Variants in RFT1 observed in about 807,000 individuals in gnomAD.
The protein encoded by RFT1 is man(5)GlcNAc(2)-PP-dolichol translocation protein RFT1.
In RFT1, 43 loss-of-function variants were observed where a neutral mutation model predicts 62.2. The ratio of observed to expected loss-of-function variants is 0.69; its 90% CI spans 0.54 to 0.89. The LOEUF (loss-of-function observed/expected upper bound fraction) is 0.89, where lower values mean the gene tolerates loss of function less well. Among genes scored for constraint, RFT1 ranks in the 40% least tolerant of loss-of-function variants. The pLI is 0.00. For synonymous variants in RFT1, 262 were observed against 264.6 expected, an observed-to-expected ratio of 0.99 and a Z score of 0.10; for missense variants, 605 against 649.9, an observed-to-expected ratio of 0.93 and a Z score of 0.75.
At chr3:53,114,794 C>A (rs72967414) in intron 6 of RFT1, among the ~76,000 whole-genome samples, 2,025 of 152,194 alleles carry the variant, frequency 0.013, 54 homozygotes, top group African/African-American at 0.046. Context: ...ATGGTAACTC[C>A]AGGGAAGGTC....
chr3:53,104,400 T>TA (rs905472888), intron 9 of RFT1, among the ~76,000 whole-genome samples: 1 of 151,748 alleles, frequency 6.6e-6, no homozygotes, highest in Non-Finnish European at 1.5e-5. Flanking sequence ...TTTTTTTTTT[T>TA]AAATAGAAAT....
At chr3:53,095,452 C>T (rs561865669) in intron 11 of RFT1, among the ~76,000 whole-genome samples, 50 of 152,280 alleles carry the variant, frequency 3.3e-4, no homozygotes, top group African/African-American at 1.1e-3. Flanking sequence ...GTGGCTCATG[C>T]CTGTAATCCC....
intron 8 of RFT1, 51 bp from the exon 9 acceptor site, chr3:53,105,854 A>T: frequency 1.3e-6 from 2 of 1,493,810 alleles, no homozygotes; most frequent in Non-Finnish European, 1.8e-6. Context: ...TTCTATTTTA[A>T]TTTTTATAGC....
chr3:53,113,370 A>C (rs1701704848), intron 6 of RFT1, among the ~76,000 whole-genome samples: 1 of 149,198 alleles, frequency 6.7e-6, no homozygotes, highest in Non-Finnish European at 1.5e-5. Flanking sequence ...TGATTATCCA[A>C]AGTGATTACT....
intron 10 of RFT1, chr3:53,103,397 G>T (rs756764062): frequency 5.6e-6 from 2 of 358,604 alleles, no homozygotes; most frequent in Non-Finnish European, 3.9e-6. Context: ...ATCCTCAGCG[G>T]CCTGGTGTTT....
chr3:53,082,470 C>T, the RFT1 span, among the ~76,000 whole-genome samples: 326 of 148,384 alleles, frequency 2.2e-3, 2 homozygotes, highest in African/African-American at 7.4e-3. Context: ...GCAAGACTGT[C>T]GCAAAAAAAG....
At chr3:53,127,696 G>A (rs1384892922) in intron 1 of RFT1, among the ~76,000 whole-genome samples, 1 of 151,794 alleles carries the variant, frequency 6.6e-6, no homozygotes, top group Admixed American at 6.6e-5. Flanking sequence ...CACTTTGGGA[G>A]GCTGAAAGGT....
intron 11 of RFT1, among the ~76,000 whole-genome samples, chr3:53,098,637 C>T (rs916168176): frequency 1.1e-3 from 161 of 151,984 alleles, no homozygotes; most frequent in African/African-American, 3.8e-3. Context: ...CCCATCTCTA[C>T]TAAAAATACA....
At chr3:53,121,595 A>C (rs1701969035) in intron 5 of RFT1, 104 bp downstream of exon 5, 10 of 896,270 alleles carry the variant, frequency 1.1e-5, no homozygotes, top group Non-Finnish European at 1.6e-5. Context: ...CCTCCTGCAC[A>C]GGCATGGGTA....
chr3:53,118,690 A>C (rs1243469170), intron 6 of RFT1, among the ~76,000 whole-genome samples: 1 of 152,082 alleles, frequency 6.6e-6, no homozygotes, highest in Non-Finnish European at 1.5e-5. Context: ...AGAATGGAGG[A>C]GCTCATGAAG....
chr3:53,100,496 A>C (rs577913066), intron 10 of RFT1, among the ~76,000 whole-genome samples: 1 of 152,372 alleles, frequency 6.6e-6, no homozygotes, highest in Admixed American at 6.5e-5. Context: ...CATCTGTAGC[A>C]GTTTGATTCA....
At chr3:53,122,680 T>G (rs560152970) in intron 3 of RFT1, 117 bp from the exon 4 acceptor site, 1 of 570,536 alleles carries the variant, frequency 1.8e-6, no homozygotes, top group African/African-American at 2.0e-5. Context: ...CATTTATTTA[T>G]AAGATACTAA....
chr3:53,104,171 C>T (rs1170813813), intron 9 of RFT1, 74 bp from the exon 10 acceptor site: 65 of 1,481,764 alleles, frequency 4.4e-5, no homozygotes, highest in Non-Finnish European at 6.0e-5. Flanking sequence ...CACGTCTGGC[C>T]TTCTCCCTTC....
chr3:53,117,429 A>G (rs1701841046), intron 6 of RFT1, among the ~76,000 whole-genome samples: 1 of 151,922 alleles, frequency 6.6e-6, no homozygotes, highest in Admixed American at 6.6e-5. Flanking sequence ...GCCCACAGGA[A>G]CCTCCCTGAG....
chr3:53,069,129 G>A, the RFT1 span, among the ~76,000 whole-genome samples: 3 of 152,124 alleles, frequency 2.0e-5, no homozygotes, highest in Admixed American at 1.3e-4. Context: ...TAGTAGAAAC[G>A]GGGTTTCACC....
In RFT1 at chr3:53,091,830, C is replaced by A; in HGVS notation, c.*73G>T. 6.5e-7 allele frequency: 1 copy of A among 1,544,650 alleles called. No homozygotes were observed. Among genetic ancestry groups the A allele is most frequent in the South Asian group, 1.1e-5 (1 of 88,820 alleles). On this transcript the variant is annotated 3_prime_UTR_variant, in exon 13 of 13. Transcript: ENST00000296292. The stretch of plus-strand genomic sequence containing the variant: ...TGCAGAGCCCTCAGTGGGGCTCTTA[C>A]ACAGAATGTGTTCCACCCACAGAAC...
At chr3:53,098,372 T>C (rs986230663) in intron 11 of RFT1, among the ~76,000 whole-genome samples, 4 of 152,048 alleles carry the variant, frequency 2.6e-5, no homozygotes, top group Admixed American at 1.3e-4. Flanking sequence ...CCCAATCTTT[T>C]ACATGAGCCA....
chr3:53,096,409 C>T (rs556611371), intron 11 of RFT1, among the ~76,000 whole-genome samples: 2 of 152,052 alleles, frequency 1.3e-5, no homozygotes, highest in Admixed American at 6.5e-5. Flanking sequence ...AGGCCGGGCA[C>T]GTTGGCTCAC....
chr3:53,123,018 C>T (rs997651237), intron 3 of RFT1, among the ~76,000 whole-genome samples: 1 of 152,236 alleles, frequency 6.6e-6, no homozygotes, highest in East Asian at 1.9e-4. Flanking sequence ...AGTATCCTTT[C>T]GCATGTTTCA....
Sources: gnomAD v4.1 joint callset for allele counts (sites outside exome capture counted in the v4.1 genomes callset) on GRCh38, gnomAD v4.1.1 for gene constraint, MANE v1.5 for transcripts, NCBI Gene and HGNC (gene_info 2026-07-23, HGNC 2026-07-21) for gene names.